The following RNF216 variants were observed in gnomAD, a reference collection of about 807,000 sequenced individuals.
RNF216 encodes the protein E3 ubiquitin-protein ligase RNF216.
A neutral mutation model predicts 110.8 loss-of-function variants in RNF216; 72 were observed. The ratio of observed to expected loss-of-function variants is 0.65; its 90% CI spans 0.54 to 0.79. The LOEUF is 0.79. Among genes scored for constraint, RNF216 ranks in the 30% least tolerant of loss-of-function variants. The pLI is 0.00. For synonymous variants in RNF216, 495 were observed against 407.5 expected, an observed-to-expected ratio of 1.21 and a Z score of -2.59; for missense variants, 1,342 against 1,141.2, an observed-to-expected ratio of 1.18 and a Z score of -2.54.
intron 1 of RNF216, among the ~76,000 whole-genome samples, chr7:5,778,277 T>C (rs1489265305): frequency 1.3e-5 from 2 of 152,214 alleles, no homozygotes; most frequent in African/African-American, 4.8e-5. Flanking sequence ...CTGCAGGCTC[T>C]TCCCCAGCTA....
intron 13 of RNF216, among the ~76,000 whole-genome samples, chr7:5,663,892 C>T (rs1028359955): frequency 2.0e-5 from 3 of 151,378 alleles, no homozygotes; most frequent in Admixed American, 6.6e-5. Context: ...AGAGGGAGTC[C>T]GTCTCAAAAA....
chr7:5,674,961 C>T (rs1404052815), intron 13 of RNF216, among the ~76,000 whole-genome samples: 1 of 152,122 alleles, frequency 6.6e-6, no homozygotes, highest in Non-Finnish European at 1.5e-5. Context: ...CGCGCCACTG[C>T]ACTCCAGCCT....
chr7:5,694,455 A>T (rs1474971816), intron 13 of RNF216, among the ~76,000 whole-genome samples: 2 of 152,218 alleles, frequency 1.3e-5, no homozygotes, highest in Non-Finnish European at 2.9e-5. Flanking sequence ...GCTTTCCTCC[A>T]AAACTTCCAG....
At chr7:5,659,862 T>C (rs80228863) in intron 13 of RNF216, among the ~76,000 whole-genome samples, 8,100 of 152,250 alleles carry the variant, frequency 0.053, 250 homozygotes, top group South Asian at 0.076. Flanking sequence ...TGTACTTTTT[T>C]TGTTAAGAAG....
chr7:5,662,675 G>A (rs974653241), intron 13 of RNF216: 1 of 152,240 alleles, frequency 6.6e-6, no homozygotes, highest in Non-Finnish European at 1.5e-5. Context: ...CCAGAGAGAG[G>A]GATCGGTATA....
intron 13 of RNF216, among the ~76,000 whole-genome samples, chr7:5,660,951 T>TTGTTTTTTTTG (rs1165165169): frequency 3.5e-5 from 5 of 143,702 alleles, no homozygotes; most frequent in East Asian, 2.0e-4. Context: ...AGGTTTTTTT[T>TTGTTTTTTTTG]TTTTTTTTTT....
intron 7 of RNF216, among the ~76,000 whole-genome samples, chr7:5,725,753 G>T (rs768796555): frequency 6.6e-6 from 1 of 151,894 alleles, no homozygotes; most frequent in African/African-American, 2.4e-5. Flanking sequence ...AGGAGGCTGC[G>T]GCAGGAGAAT....
In RNF216 at chr7:5,622,702, A is replaced by G; in HGVS notation, c.*158T>C. The G allele has an allele frequency of 1.4e-6, 1 of 707,664 alleles. No individual in the cohort carries two copies. The highest frequency in any genetic ancestry group is 2.6e-5 in the Admixed American group (1 of 38,852). The allele number at this position is 707,664 out of a possible 1,614,324, so 43.8% of individuals were successfully genotyped here. ...TTATGGATCCGTCCACTCTTCCAGG[A>G]GCAGTAGCCCTTCTAGGAAAGGGGT... On this transcript the variant is annotated 3_prime_UTR_variant, in exon 17 of 17. Transcript: ENST00000389902.
At chr7:5,735,036 C>G (rs544489317) in intron 5 of RNF216, among the ~76,000 whole-genome samples, 2 of 151,556 alleles carry the variant, frequency 1.3e-5, no homozygotes, top group South Asian at 4.2e-4. Context: ...ATCCAAGCTA[C>G]TCAGGAGGCT....
intron 12 of RNF216, 170 bp from the exon 13 acceptor site, chr7:5,712,009 G>A: frequency 1.7e-6 from 1 of 604,160 alleles, no homozygotes; most frequent in South Asian, 2.1e-5. Flanking sequence ...CTTTGTGCTG[G>A]CTCTTATCAG....
intron 3 of RNF216, among the ~76,000 whole-genome samples, chr7:5,745,799 G>C (rs1220043766): frequency 6.6e-6 from 1 of 151,686 alleles, no homozygotes; most frequent in East Asian, 1.9e-4. Flanking sequence ...ACTCTCGGGA[G>C]GCTGAGGCAG....
chr7:5,695,077 C>G (rs916690612), intron 13 of RNF216, among the ~76,000 whole-genome samples: 5 of 152,216 alleles, frequency 3.3e-5, no homozygotes, highest in African/African-American at 1.2e-4. Flanking sequence ...GGAACTACCC[C>G]TGAACCCAAA....
At chr7:5,652,039 T>G (rs1788423989) in intron 14 of RNF216, among the ~76,000 whole-genome samples, 1 of 152,174 alleles carries the variant, frequency 6.6e-6, no homozygotes, top group Non-Finnish European at 1.5e-5. Flanking sequence ...CATTTTGTAT[T>G]CTGGAGGTGG....
intron 13 of RNF216, among the ~76,000 whole-genome samples, chr7:5,709,943 A>C (rs1187570320): frequency 6.6e-6 from 1 of 152,086 alleles, no homozygotes; most frequent in East Asian, 1.9e-4. Context: ...TTTTTTGTAG[A>C]GATAGGGTCT....
chr7:5,777,308 T>C (rs1294983647), intron 1 of RNF216, among the ~76,000 whole-genome samples: 1 of 152,150 alleles, frequency 6.6e-6, no homozygotes, highest in African/African-American at 2.4e-5. Flanking sequence ...TATGAAGCAG[T>C]AAGTATTAGG....
At chr7:5,722,846 A>ACC (rs149527293) in intron 8 of RNF216, among the ~76,000 whole-genome samples, 2 of 147,668 alleles carry the variant, frequency 1.4e-5, no homozygotes, top group African/African-American at 5.0e-5. Flanking sequence ...ACATGGTGAA[A>ACC]CCCCCCAGGC....
chr7:5,670,065 T>C (rs1402132548), intron 13 of RNF216, among the ~76,000 whole-genome samples: 3 of 152,080 alleles, frequency 2.0e-5, no homozygotes, highest in Non-Finnish European at 4.4e-5. Context: ...TAGCTGGGAT[T>C]ACAGGCACGC....
chr7:5,718,356 G>A (rs2128634032), intron 9 of RNF216, among the ~76,000 whole-genome samples: 1 of 152,264 alleles, frequency 6.6e-6, no homozygotes, highest in African/African-American at 2.4e-5. Context: ...ACTCCAGCCT[G>A]GGTGACAAAG....
In RNF216 at chr7:5,712,864, C is replaced by A; in HGVS notation, c.1834-1G>T. 6.3e-7 allele frequency: 1 copy of A among 1,598,330 alleles called. No individual in the cohort carries two copies. Among genetic ancestry groups the A allele is most frequent in the Non-Finnish European group, 8.5e-7 (1 of 1,174,994 alleles). ...TGCCTTCCATGCAGCTGAGCTCCAA[C>A]TAGAAAAAGGCGAAAAGGCAAAGAA... On this transcript the variant is annotated splice_acceptor_variant, in intron 11 of 16. Transcript: ENST00000389902. LOFTEE classifies it high-confidence loss of function.
Sources: gnomAD v4.1 joint callset for allele counts (sites outside exome capture counted in the v4.1 genomes callset) on GRCh38, gnomAD v4.1.1 for gene constraint, MANE v1.5 for transcripts, NCBI Gene and HGNC (gene_info 2026-07-23, HGNC 2026-07-21) for gene names.